HOMER2: variants seen among roughly 807,000 people sequenced by gnomAD.
The protein encoded by HOMER2 is homer scaffold protein 2.
A neutral mutation model predicts 47.0 loss-of-function variants in HOMER2; 27 were observed. That is an observed-to-expected ratio of 0.57 (90% CI 0.42 to 0.79). The LOEUF (loss-of-function observed/expected upper bound fraction) is 0.79, where lower values mean the gene tolerates loss of function less well. Ranked by LOEUF, HOMER2 falls within the 30% of genes least tolerant of loss-of-function variation. The pLI, the probability that HOMER2 is intolerant of heterozygous loss-of-function variation, is 0.00. For missense variants in HOMER2, 443 were observed against 435.0 expected (o/e 1.02, Z -0.16); for synonymous variants, 161 against 163.8 (o/e 0.98, Z 0.13).
chr15:82,965,413 A>C (rs1428111593), intron 1 of HOMER2, among the ~76,000 whole-genome samples: 1 of 152,184 alleles, frequency 6.6e-6, no homozygotes, highest in Non-Finnish European at 1.5e-5. Context: ...AGATACTGTT[A>C]CCCAAAGCCA....
downstream of HOMER2, among the ~76,000 whole-genome samples, chr15:82,836,727 G>C (rs752252394): frequency 6.6e-6 from 1 of 152,216 alleles, no homozygotes; most frequent in African/African-American, 2.4e-5. Flanking sequence ...GTATTCATCT[G>C]TTCGTCCATT....
intron 4 of HOMER2, 62 bp from the exon 5 acceptor site, chr15:82,859,197 T>C: frequency 6.2e-7 from 1 of 1,609,598 alleles, no homozygotes; most frequent in African/African-American, 1.3e-5. Flanking sequence ...CTTCACACGT[T>C]ATTGCTTGTC....
intron 3 of HOMER2, among the ~76,000 whole-genome samples, chr15:82,866,313 T>C (rs1354378262): frequency 6.6e-6 from 1 of 152,224 alleles, no homozygotes; most frequent in Non-Finnish European, 1.5e-5. Context: ...TTTGTTTTGG[T>C]CAATTTCTCC....
At chr15:82,940,081 T>C (rs1451262114) in intron 1 of HOMER2, among the ~76,000 whole-genome samples, 1 of 148,578 alleles carries the variant, frequency 6.7e-6, no homozygotes, top group Non-Finnish European at 1.5e-5. Flanking sequence ...GTCGGGGGAG[T>C]GGGGAGGGAA....
intron 3 of HOMER2, among the ~76,000 whole-genome samples, chr15:82,873,140 C>A (rs1377910929): frequency 1.3e-5 from 2 of 152,196 alleles, no homozygotes; most frequent in African/African-American, 4.8e-5. Context: ...CTGCTCTCCA[C>A]AGCCACCCTG....
At chr15:82,976,042 T>A (rs2030189469) in intron 1 of HOMER2, among the ~76,000 whole-genome samples, 1 of 152,106 alleles carries the variant, frequency 6.6e-6, no homozygotes, top group Non-Finnish European at 1.5e-5. Context: ...TTAAAAAGAA[T>A]GGTCAGTCTG....
chr15:82,880,349 A>G (rs985455089), intron 2 of HOMER2, among the ~76,000 whole-genome samples: 1 of 152,220 alleles, frequency 6.6e-6, no homozygotes, highest in African/African-American at 2.4e-5. Flanking sequence ...ATGTGGCAAA[A>G]CTATGCAGAA....
intron 1 of HOMER2, among the ~76,000 whole-genome samples, chr15:82,932,705 T>C (rs1031551457): frequency 2.0e-5 from 3 of 151,700 alleles, no homozygotes; most frequent in Non-Finnish European, 4.4e-5. Flanking sequence ...GCTTCATCAC[T>C]CCCGCAAAGC....
chr15:82,905,101 T>C (rs945509961), intron 1 of HOMER2, among the ~76,000 whole-genome samples: 4 of 152,122 alleles, frequency 2.6e-5, no homozygotes, highest in African/African-American at 9.7e-5. Flanking sequence ...ACAGAAATGC[T>C]ACAGATTAAA....
chr15:82,967,746 G>A (rs945825965), intron 1 of HOMER2, among the ~76,000 whole-genome samples: 1 of 151,980 alleles, frequency 6.6e-6, no homozygotes, highest in Non-Finnish European at 1.5e-5. Flanking sequence ...GCGTTGTGGC[G>A]GGCATCTGTA....
At chr15:82,900,110 A>G (rs940911183) in intron 1 of HOMER2, among the ~76,000 whole-genome samples, 6 of 152,188 alleles carry the variant, frequency 3.9e-5, no homozygotes, top group African/African-American at 1.4e-4. Flanking sequence ...GACTCTATTT[A>G]GGAAGCATGC....
At chr15:82,870,125 C>A (rs900333359) in intron 3 of HOMER2, among the ~76,000 whole-genome samples, 1 of 152,154 alleles carries the variant, frequency 6.6e-6, no homozygotes, top group Admixed American at 6.5e-5. Flanking sequence ...TTCTTTTGGC[C>A]TTAGCCATTG....
intron 5 of HOMER2, among the ~76,000 whole-genome samples, chr15:82,855,931 G>A (rs1270793644): frequency 6.6e-6 from 1 of 152,176 alleles, no homozygotes; most frequent in Admixed American, 6.5e-5. Context: ...GACTGGAGGT[G>A]ACAGGGCAGA....
chr15:82,857,090 G>A (rs1596304966), intron 5 of HOMER2, among the ~76,000 whole-genome samples: 2 of 152,130 alleles, frequency 1.3e-5, no homozygotes, highest in Non-Finnish European at 2.9e-5. Flanking sequence ...TACCCCTAAT[G>A]TGATGGTCTT....
intron 1 of HOMER2, among the ~76,000 whole-genome samples, chr15:82,979,822 A>G (rs1408634546): frequency 1.3e-5 from 2 of 152,172 alleles, no homozygotes; most frequent in Non-Finnish European, 2.9e-5. Flanking sequence ...ATTCCCATTT[A>G]GACACATGTT....
exon 2 of HOMER2, chr15:82,838,491 A>C (rs2151581017): frequency 6.6e-6 from 1 of 152,432 alleles, no homozygotes; most frequent in African/African-American, 2.4e-5. Context: ...CTTCAAGTTA[A>C]ATGAAGTCAT....
intron 3 of HOMER2, among the ~76,000 whole-genome samples, chr15:82,867,460 T>C (rs2052011402): frequency 6.6e-6 from 1 of 151,624 alleles, no homozygotes; most frequent in African/African-American, 2.4e-5. Context: ...CTATTTTCTT[T>C]AGTATGGCAA....
chr15:82,898,656 G>A (rs980864709), intron 1 of HOMER2, among the ~76,000 whole-genome samples: 1 of 152,218 alleles, frequency 6.6e-6, no homozygotes, highest in African/African-American at 2.4e-5. Flanking sequence ...TGCAACATAT[G>A]TATGTTTGGA....
At chr15:82,973,330 T>A (rs973089354) in intron 1 of HOMER2, among the ~76,000 whole-genome samples, 3 of 152,198 alleles carry the variant, frequency 2.0e-5, no homozygotes, top group African/African-American at 7.2e-5. Flanking sequence ...AGAACTGGCT[T>A]TAAATCTCAT....
Sources: gnomAD v4.1 joint callset for allele counts (sites outside exome capture counted in the v4.1 genomes callset) on GRCh38, gnomAD v4.1.1 for gene constraint, MANE v1.5 for transcripts, NCBI Gene and HGNC (gene_info 2026-07-23, HGNC 2026-07-21) for gene names.